ATRNL1: variants seen among roughly 807,000 people sequenced by gnomAD.
The protein encoded by ATRNL1 is attractin like 1.
ATRNL1 carries 95 observed loss-of-function variants against 182.7 expected under a neutral mutation model. The ratio of observed to expected loss-of-function variants is 0.52; its 90% CI spans 0.44 to 0.62. The LOEUF (loss-of-function observed/expected upper bound fraction) is 0.62. ATRNL1 is among the 20% of genes least tolerant of loss of function. The pLI is 0.00. For missense variants in ATRNL1, 1,471 were observed against 1,679.5 expected (o/e 0.88, Z 2.17); for synonymous variants, 576 against 568.3 (o/e 1.01, Z -0.19).
intron 18 of ATRNL1, 23 bp downstream of exon 18, chr10:115,315,759 A>T: frequency 6.3e-7 from 1 of 1,585,954 alleles, no homozygotes; most frequent in Non-Finnish European, 8.6e-7. Context: ...TAATGGAAAC[A>T]ATTTCAGTTT....
chr10:115,396,169 A>C (rs1554955514), intron 20 of ATRNL1, among the ~76,000 whole-genome samples: 1 of 151,920 alleles, frequency 6.6e-6, no homozygotes, highest in African/African-American at 2.4e-5. Flanking sequence ...CAGACAAGGT[A>C]AGCACAATCA....
chr10:115,284,239 G>A (rs1277188082), intron 14 of ATRNL1, among the ~76,000 whole-genome samples: 2 of 152,088 alleles, frequency 1.3e-5, no homozygotes, highest in Non-Finnish European at 2.9e-5. Context: ...ATTTAGTTTA[G>A]CCACAAAGGC....
At chr10:115,223,022 G>A (rs541399181) in intron 9 of ATRNL1, among the ~76,000 whole-genome samples, 27 of 152,310 alleles carry the variant, frequency 1.8e-4, no homozygotes, top group Non-Finnish European at 3.4e-4. Flanking sequence ...GCTTATGCCT[G>A]TAATCCTAGC....
At chr10:115,500,246 A>C (rs1329054046) in intron 24 of ATRNL1, among the ~76,000 whole-genome samples, 2 of 152,220 alleles carry the variant, frequency 1.3e-5, no homozygotes, top group African/African-American at 4.8e-5. Context: ...GCAGGGCTTC[A>C]CGAAAGCACA....
intron 26 of ATRNL1, among the ~76,000 whole-genome samples, chr10:115,682,265 A>T (rs1946070729): frequency 6.6e-6 from 1 of 152,172 alleles, no homozygotes; most frequent in Admixed American, 6.5e-5. Context: ...TGGGCCAGGC[A>T]TGGTGGCTCA....
At chr10:115,926,450 C>T (rs1022721899) in intron 28 of ATRNL1, among the ~76,000 whole-genome samples, 9 of 151,372 alleles carry the variant, frequency 5.9e-5, no homozygotes, top group Non-Finnish European at 1.2e-4. Flanking sequence ...AAAAAACCCT[C>T]CAAAAAATCA....
Position 115,129,329 on chromosome 10 carries a change from T to G in ATRNL1, c.623T>G (p.Ile208Ser), listed in dbSNP as rs782489809. 2 of 1,609,806 alleles carry G rather than the reference T, an allele frequency of 1.2e-6. No homozygotes were observed. The highest frequency in any genetic ancestry group is 1.7e-6 in the Non-Finnish European group (2 of 1,176,564). Residue 208 changes from isoleucine (I) to serine (S), a missense_variant and splice_region_variant, in exon 5 of 29, where the codon ATC becomes AGC. Ile to Ser is a moderately radical substitution (Grantham distance 142). Coordinates refer to ENST00000355044, the MANE Select transcript of ATRNL1 (RefSeq NM_207303.4). ...TATATATGAATTATATTTTACAGAA[T>G]CAATTCTTGTCCTAACAATTGCTCT... ...NLTGFNIFYS[I>S]NSCPNNCSGH...
At chr10:115,387,658 T>A (rs1227251831) in intron 19 of ATRNL1, among the ~76,000 whole-genome samples, 1 of 152,240 alleles carries the variant, frequency 6.6e-6, no homozygotes, top group African/African-American at 2.4e-5. Context: ...TTACCTGTTA[T>A]AAATAGCTCC....
Position 115,129,338 on chromosome 10 carries a change from G to T in ATRNL1, c.632G>T (p.Cys211Phe). 1.2e-6 allele frequency: 2 copies of T among 1,611,360 alleles called. No individual in the cohort carries two copies. The highest frequency in any genetic ancestry group is 8.5e-7 in the Non-Finnish European group (1 of 1,177,844). Residue 211 changes from cysteine (C) to phenylalanine (F), a missense_variant, in exon 5 of 29, where the codon TGT becomes TTT. Cys to Phe is a radical substitution (Grantham distance 205, BLOSUM62 -2). Coordinates refer to ENST00000355044, the MANE Select transcript of ATRNL1 (RefSeq NM_207303.4). ...GFNIFYSINS[C>F]PNNCSGHGKC... is the part of the protein sequence containing the mutation. ...ATTATATTTTACAGAATCAATTCTT[G>T]TCCTAACAATTGCTCTGGTCATGGG...
intron 10 of ATRNL1, among the ~76,000 whole-genome samples, chr10:115,256,053 G>A (rs1851115604): frequency 6.6e-6 from 1 of 152,148 alleles, no homozygotes; most frequent in Admixed American, 6.5e-5. Flanking sequence ...ATTTTATTGA[G>A]GATTTTCACA....
At chr10:115,423,522 T>A (rs1302034407) in intron 20 of ATRNL1, among the ~76,000 whole-genome samples, 1 of 152,084 alleles carries the variant, frequency 6.6e-6, no homozygotes, top group Non-Finnish European at 1.5e-5. Flanking sequence ...AGTGAGACTG[T>A]GTCTCAGAAA....
chr10:115,879,789 C>A (rs1223204073), intron 28 of ATRNL1, among the ~76,000 whole-genome samples: 3 of 152,184 alleles, frequency 2.0e-5, no homozygotes, highest in African/African-American at 7.2e-5. Flanking sequence ...GCAAGGAAAG[C>A]ATTTTCAACC....
chr10:115,865,261 T>G (rs782179508), intron 28 of ATRNL1, among the ~76,000 whole-genome samples: 1 of 152,226 alleles, frequency 6.6e-6, no homozygotes, highest in African/African-American at 2.4e-5. Context: ...TTAATCATTG[T>G]ACTCTGGTTA....
intron 8 of ATRNL1, among the ~76,000 whole-genome samples, chr10:115,180,089 A>G (rs558084658): frequency 2.2e-4 from 33 of 152,134 alleles, no homozygotes; most frequent in African/African-American, 6.0e-4. Context: ...AAATACCTCC[A>G]AAGTGTATTT....
At chr10:115,744,880 A>G (rs1555068739) in intron 27 of ATRNL1, among the ~76,000 whole-genome samples, 1 of 152,184 alleles carries the variant, frequency 6.6e-6, no homozygotes, top group Non-Finnish European at 1.5e-5. Flanking sequence ...TCTCTAAGAA[A>G]AGTAATATAT....
At chr10:115,629,139 T>C (rs1223926433) in intron 26 of ATRNL1, among the ~76,000 whole-genome samples, 1 of 152,208 alleles carries the variant, frequency 6.6e-6, no homozygotes, top group African/African-American at 2.4e-5. Flanking sequence ...TTTTAAATGA[T>C]TAATCTGGAA....
At chr10:115,193,219 A>G (rs1554890251) in intron 8 of ATRNL1, among the ~76,000 whole-genome samples, 1 of 151,870 alleles carries the variant, frequency 6.6e-6, no homozygotes, top group East Asian at 1.9e-4. Context: ...TGGCTTTTAA[A>G]CTATTGAAGT....
At chr10:115,543,356 G>C (rs1352361977) in intron 25 of ATRNL1, among the ~76,000 whole-genome samples, 2 of 152,022 alleles carry the variant, frequency 1.3e-5, no homozygotes, top group African/African-American at 4.8e-5. Context: ...TAAGTTAGAA[G>C]TGTATTCTGT....
At chr10:115,233,985 T>G (rs1449575954) in intron 9 of ATRNL1, among the ~76,000 whole-genome samples, 2 of 152,082 alleles carry the variant, frequency 1.3e-5, no homozygotes, top group Non-Finnish European at 2.9e-5. Flanking sequence ...CTTCGGGCTT[T>G]TAAAATGAGT....
Sources: gnomAD v4.1 joint callset for allele counts (sites outside exome capture counted in the v4.1 genomes callset) on GRCh38, gnomAD v4.1.1 for gene constraint, MANE v1.5 for transcripts, NCBI Gene and HGNC (gene_info 2026-07-23, HGNC 2026-07-21) for gene names.